Variants in MORN5 observed in about 807,000 individuals in gnomAD.
MORN5 encodes MORN repeat containing 5, also known as MORN repeat-containing protein 5.
In MORN5, 21 loss-of-function variants were observed where a neutral mutation model predicts 22.1. That is an observed-to-expected ratio of 0.95 (90% CI 0.67 to 1.37). MORN5 has a LOEUF of 1.37. MORN5 is among the 40% of genes most tolerant of loss of function. The pLI is 0.00. For synonymous variants in MORN5, 73 were observed against 74.0 expected, an observed-to-expected ratio of 0.99 and a Z score of 0.07; for missense variants, 211 against 215.1, an observed-to-expected ratio of 0.98 and a Z score of 0.12.
At chr9:122,166,231 C>T (rs1829276977) in intron 1 of MORN5, among the ~76,000 whole-genome samples, 1 of 151,642 alleles carries the variant, frequency 6.6e-6, no homozygotes, top group Non-Finnish European at 1.5e-5. Context: ...GCTACAATTC[C>T]CGATGAGATT....
chr9:122,181,820 GA>G (rs1829541757), intron 4 of MORN5, among the ~76,000 whole-genome samples: 1 of 152,264 alleles, frequency 6.6e-6, no homozygotes, highest in South Asian at 2.1e-4. Flanking sequence ...ATTATGGTTA[GA>G]AAAAAAGATT....
chr9:122,175,889 C>T (rs1394777654), intron 4 of MORN5, among the ~76,000 whole-genome samples: 3 of 151,912 alleles, frequency 2.0e-5, no homozygotes, highest in South Asian at 2.1e-4. Flanking sequence ...CCGAGGAGGG[C>T]GGATCATGAG....
intron 4 of MORN5, among the ~76,000 whole-genome samples, chr9:122,183,770 C>T (rs1004036353): frequency 2.0e-5 from 3 of 152,202 alleles, no homozygotes; most frequent in Non-Finnish European, 4.4e-5. Flanking sequence ...AAAGAGATAA[C>T]GCCACCGCTT....
chr9:122,195,086 A>G (rs1829858763), intron 4 of MORN5, among the ~76,000 whole-genome samples: 1 of 152,198 alleles, frequency 6.6e-6, no homozygotes, highest in South Asian at 2.1e-4. Flanking sequence ...CATGAAAGAA[A>G]AGGGAGTGAA....
At chr9:122,161,025 G>A (rs1479325142) in intron 1 of MORN5, among the ~76,000 whole-genome samples, 1 of 152,344 alleles carries the variant, frequency 6.6e-6, no homozygotes, top group East Asian at 1.9e-4. Flanking sequence ...GGTAAGAGCT[G>A]TAGTAGAGAG....
In MORN5 at chr9:122,197,704, TTGTC is replaced by T. The variant is rs1237766835; in HGVS notation, c.440-2178_440-2175del. On this transcript the variant is annotated intron_variant, in intron 4 of 4. Coordinates refer to ENST00000373764, the MANE Select transcript of MORN5 (RefSeq NM_198469.4). This position sits in a 1 kb window ranked among gnomAD's most constrained non-coding sequence, Gnocchi z 5.7. ...ACTGGTTCAGCACAATACACCCAGT[TTGTC>T]TGGTTTCAGGGGTTACTGCTGAAGA... 6.6e-6 allele frequency among the ~76,000 whole-genome samples: 1 copy of T among 152,136 alleles called. No individual in the cohort carries two copies. The highest frequency in any genetic ancestry group is 2.4e-5 in the African/African-American group (1 of 41,436).
At chr9:122,177,860 A>G (rs888995233) in intron 4 of MORN5, among the ~76,000 whole-genome samples, 24 of 152,192 alleles carry the variant, frequency 1.6e-4, no homozygotes, top group Non-Finnish European at 3.2e-4. Flanking sequence ...GTTTCAATGC[A>G]TCCTTCATAT....
At chr9:122,184,368 T>C (rs146438434) in intron 4 of MORN5, among the ~76,000 whole-genome samples, 1 of 152,350 alleles carries the variant, frequency 6.6e-6, no homozygotes, top group East Asian at 1.9e-4. Flanking sequence ...GGGCGAAATT[T>C]AAGCCGCACA....
intron 4 of MORN5, among the ~76,000 whole-genome samples, chr9:122,184,918 C>G (rs1450222223): frequency 1.3e-5 from 2 of 152,182 alleles, no homozygotes; most frequent in Admixed American, 1.3e-4. Context: ...AAAGAAAGAA[C>G]CGAGGGCCTG....
intron 3 of MORN5, among the ~76,000 whole-genome samples, chr9:122,170,341 T>C (rs193242879): frequency 2.3e-4 from 35 of 152,088 alleles, no homozygotes; most frequent in African/African-American, 6.7e-4. Flanking sequence ...TAGCATCATC[T>C]ACCTCCCAAG....
chr9:122,179,584 G>A (rs886150877), intron 4 of MORN5, among the ~76,000 whole-genome samples: 2 of 152,140 alleles, frequency 1.3e-5, no homozygotes, highest in African/African-American at 4.8e-5. Context: ...TTTAAAATGA[G>A]AGAGTTGAAC....
At chr9:122,178,325 C>G (rs1033782529) in intron 4 of MORN5, among the ~76,000 whole-genome samples, 3 of 152,092 alleles carry the variant, frequency 2.0e-5, no homozygotes, top group African/African-American at 7.2e-5. Context: ...CCCATCTCTA[C>G]TAAAAATACA....
chr9:122,162,053 T>C (rs1367532703), intron 1 of MORN5, among the ~76,000 whole-genome samples: 4 of 152,220 alleles, frequency 2.6e-5, no homozygotes, highest in Admixed American at 2.6e-4. Flanking sequence ...TAGAATTCTA[T>C]TTGGGGCATC....
At chr9:122,169,970 C>T (rs1210875884) in intron 3 of MORN5, among the ~76,000 whole-genome samples, 2 of 152,312 alleles carry the variant, frequency 1.3e-5, no homozygotes, top group South Asian at 2.1e-4. Flanking sequence ...GGGCAAGGGA[C>T]TTTACCCACT....
chr9:122,184,216 C>T (rs1227569161), intron 4 of MORN5, among the ~76,000 whole-genome samples: 9 of 152,212 alleles, frequency 5.9e-5, no homozygotes, highest in Non-Finnish European at 8.8e-5. Flanking sequence ...GGCAGGAGCC[C>T]GAATTCACAC....
At chr9:122,175,032 A>T (rs1331262578) in intron 4 of MORN5, 1 of 225,916 alleles carries the variant, frequency 4.4e-6, no homozygotes, top group South Asian at 1.6e-4. Flanking sequence ...GAGAAGTACT[A>T]TAAACAGTTA....
At chr9:122,174,733 G>T in intron 4 of MORN5, 106 bp downstream of exon 4, 1 of 1,599,274 alleles carries the variant, frequency 6.3e-7, no homozygotes, top group Non-Finnish European at 8.5e-7. Flanking sequence ...AGAAGCTTTT[G>T]CTGATAGAAG....
rs1431310772 is a variant in MORN5 at position 122,174,536 on chromosome 9, C to A, written c.348C>A (p.Ile116=). 1 of 1,614,092 alleles carries A rather than the reference C, an allele frequency of 6.2e-7. No homozygotes were observed. Among genetic ancestry groups the A allele is most frequent in the Admixed American group, 1.7e-5 (1 of 60,016 alleles). ...CCAATATGGACCCACCTAGAAAAAT[C>A]CCCAAGGGCTATTACGATTGTGGAG... ...QLTNMDPPRK[I]PKGYYDCGDG... The change falls in exon 4 of 5, where the codon ATC becomes ATA. Residue 116 remains isoleucine (I), a synonymous_variant. Transcript: ENST00000373764.
intron 1 of MORN5, among the ~76,000 whole-genome samples, 170 bp downstream of exon 1, chr9:122,160,189 A>ATATATACT (rs1217196324): frequency 6.6e-6 from 1 of 152,212 alleles, no homozygotes; most frequent in Admixed American, 6.5e-5. Context: ...CATTCATTCC[A>ATATATACT]TATATACTTA....
Sources: allele counts gnomAD v4.1 joint callset (sites outside exome capture counted in the v4.1 genomes callset), GRCh38; gene constraint gnomAD v4.1.1; non-coding constraint Gnocchi (gnomAD v3.1); transcripts MANE v1.5; gene names NCBI Gene and HGNC (gene_info 2026-07-23, HGNC 2026-07-21).